The following C15orf40 variants were observed in gnomAD, a reference collection of about 807,000 sequenced individuals.
C15orf40 encodes chromosome 15 open reading frame 40.
Under a neutral mutation model 13.9 loss-of-function variants are expected in C15orf40, and 9 were observed. The observed-to-expected ratio is 0.65, with a 90% confidence interval of 0.39 to 1.13. The LOEUF (loss-of-function observed/expected upper bound fraction) is 1.13, where lower values mean the gene tolerates loss of function less well. Ranked by LOEUF, C15orf40 falls within the 50% of genes most tolerant of loss-of-function variation. The pLI is 0.01. For synonymous variants in C15orf40, 95 were observed against 69.2 expected (o/e 1.37, Z -1.85); for missense variants, 225 against 188.5 (o/e 1.19, Z -1.13).
Position 82,996,894 on chromosome 15 carries a change from T to A in C15orf40, c.*8703A>T, listed in dbSNP as rs1480306201. ...TTAGCCAGGCATGGTGGCTCAGGCC[T>A]GTAATCCCAGCTACTTGGAAGGCTG... On this transcript the variant is annotated 3_prime_UTR_variant, in exon 4 of 4. Coordinates refer to ENST00000304177, the MANE Select transcript of C15orf40 (RefSeq NM_144597.3). 6.6e-6 allele frequency: 1 copy of A among 151,010 alleles called. No individual in the cohort carries two copies. The highest frequency in any genetic ancestry group is 2.4e-5 in the African/African-American group (1 of 41,314). The allele number at this position is 151,010 out of a possible 1,614,324, so 9.4% of individuals were successfully genotyped here.
At position 83,011,570 on chromosome 15, in the gene C15orf40, GC is replaced by G. The variant is rs2032024574; in HGVS notation, c.37del (p.Ala13GlnfsTer40). On this transcript the variant is annotated frameshift_variant, in exon 1 of 4. Coordinates refer to ENST00000304177, the MANE Select transcript of C15orf40 (RefSeq NM_144597.3). LOFTEE classifies it high-confidence loss of function. ...RLRSGLRHLR[A>X]TPNTRGSARL... The stretch of plus-strand genomic sequence containing the variant: ...AGCGGAGCCCCGAGTATTGGGTGTT[GC>G]CCGAAGGTGCCTCAGCCCGCTGCGG... 6.2e-7 allele frequency: 1 copy of G among 1,603,418 alleles called. No homozygotes were observed. The highest frequency in any genetic ancestry group is 1.3e-5 in the African/African-American group (1 of 74,686).
Position 83,011,585 on chromosome 15 carries a change from AG to A in C15orf40, c.22del (p.Leu8Ter). 6.3e-7 allele frequency: 1 copy of A among 1,594,328 alleles called. No homozygotes were observed. Among genetic ancestry groups the A allele is most frequent in the Non-Finnish European group, 8.5e-7 (1 of 1,174,314 alleles). MLRLRSG[L>X]RHLRATPNTR... ...ATTGGGTGTTGCCCGAAGGTGCCTC[AG>A]CCCGCTGCGGAGCCGCAGCATCCCC... On this transcript the variant is annotated frameshift_variant, in exon 1 of 4. Transcript: ENST00000304177. LOFTEE classifies it high-confidence loss of function.
rs1475971549 is a variant in C15orf40, at chr15:83,008,583, G to C, written c.331C>G (p.Leu111Val). ...AELCRYLSKV[L>V]ELRKSDVVLD... ...ACCACATCACTCTTCCTGAGTTCTA[G>C]GACCTTGGAAAGATACCGACAGAGC... is the stretch of plus-strand genomic sequence containing the variant. The change falls in exon 3 of 4, where the codon CTA (leucine) becomes GTA (valine). Residue 111 changes from leucine (L) to valine (V), a missense_variant. Leu to Val is a conservative substitution (Grantham distance 32). Transcript: ENST00000304177. The C allele has an allele frequency of 6.2e-7, 1 of 1,613,774 alleles. No individual in the cohort carries two copies. The highest frequency in any genetic ancestry group is 8.5e-7 in the Non-Finnish European group (1 of 1,179,978).
At chr15:82,989,300 C>T (rs2151270392), downstream of C15orf40, 1 of 968,608 alleles carries the variant, frequency 1.0e-6, no homozygotes, top group South Asian at 1.9e-5. Flanking sequence ...TATGGCATAC[C>T]TAGTACCTAA....
Position 83,001,092 on chromosome 15 carries a change from C to A in C15orf40, c.*4505G>T, listed in dbSNP as rs995966982. ...CCTCCCAAAGTGCTGGGATTACAGG[C>A]ATAAGCCACTGCACTGGCCTAGGTG... On this transcript the variant is annotated 3_prime_UTR_variant, in exon 4 of 4. Coordinates refer to ENST00000304177, the MANE Select transcript of C15orf40 (RefSeq NM_144597.3). The A allele has an allele frequency of 6.1e-6, 6 of 985,438 alleles. No homozygotes were observed. Among genetic ancestry groups the A allele is most frequent in the Non-Finnish European group, 7.2e-6 (6 of 829,876 alleles). 61.0% of individuals were successfully genotyped at this position (985,438 alleles called of 1,614,324 possible). A position where few individuals can be genotyped will look rare whatever the true frequency, so the allele number is the denominator to read the frequency against.
rs976418556 is a variant in C15orf40, at chr15:83,001,420, T to C, written c.*4177A>G. On this transcript the variant is annotated 3_prime_UTR_variant, in exon 4 of 4. Coordinates refer to ENST00000304177, the MANE Select transcript of C15orf40 (RefSeq NM_144597.3). ...ACAGATGCAGTGCTAGAACATCATA[T>C]GTCGGCATAGTTGGATAAATATTTT... 2.2e-6 allele frequency: 1 copy of C among 463,958 alleles called. No individual in the cohort carries two copies. The highest frequency in any genetic ancestry group is 2.8e-6 in the Non-Finnish European group (1 of 353,504). The allele number at this position is 463,958 out of a possible 1,614,324, so 28.7% of individuals were successfully genotyped here. A position where few individuals can be genotyped will look rare whatever the true frequency, so the allele number is the denominator to read the frequency against.
downstream of C15orf40, among the ~76,000 whole-genome samples, chr15:82,991,216 GACTTTATT>G: frequency 6.6e-6 from 1 of 152,174 alleles, no homozygotes; most frequent in South Asian, 2.1e-4. Context: ...GCACCTTCCT[GACTTTATT>G]AGAGTGACAA....
At chr15:83,007,220 A>T (rs767561875) in intron 3 of C15orf40, among the ~76,000 whole-genome samples, 4 of 152,198 alleles carry the variant, frequency 2.6e-5, no homozygotes, top group Non-Finnish European at 4.4e-5. Context: ...CTTCCCAATG[A>T]GCTTCTCCTA....
chr15:83,001,254 G>A lies in C15orf40; in HGVS notation c.*4343C>T. The A allele has an allele frequency of 1.0e-6, 1 of 985,476 alleles. No individual in the cohort carries two copies. Among genetic ancestry groups the A allele is most frequent in the South Asian group, 4.7e-5 (1 of 21,288 alleles). The allele number at this position is 985,476 out of a possible 1,614,324, so 61.0% of individuals were successfully genotyped here. The stretch of plus-strand genomic sequence containing the variant: ...CCTCCAGGGCATAATGAGCCAGGCT[G>A]TTCTTTCCCAGGATCTGTCGAAGTA... On this transcript the variant is annotated 3_prime_UTR_variant, in exon 4 of 4. Transcript: ENST00000304177.
At position 83,004,590 on chromosome 15, in the gene C15orf40, A is replaced by C; in HGVS notation, c.*1007T>G. ...CTTTGGAGATTCATAAAAACTACTG[A>C]ATTTGCTGATTATTTAAGTTATTAG... is the stretch of plus-strand genomic sequence containing the variant. On this transcript the variant is annotated 3_prime_UTR_variant, in exon 4 of 4. Transcript: ENST00000304177. The C allele has an allele frequency of 1.1e-6, 1 of 895,752 alleles. No homozygotes were observed. The highest frequency in any genetic ancestry group is 1.3e-6 in the Non-Finnish European group (1 of 747,756). The allele number at this position is 895,752 out of a possible 1,614,324, so 55.5% of individuals were successfully genotyped here. A position where few individuals can be genotyped will look rare whatever the true frequency, so the allele number is the denominator to read the frequency against.
rs2031952716 is a variant in C15orf40, at chr15:83,010,609, C to T, written c.112-246G>A. 6.8e-6 allele frequency: 3 copies of T among 440,076 alleles called. No homozygotes were observed. The East Asian group carries it at 1.2e-4, about 18-fold the overall frequency. The allele number at this position is 440,076 out of a possible 1,614,324, so 27.3% of individuals were successfully genotyped here. On this transcript the variant is annotated intron_variant, in intron 1 of 3. Transcript: ENST00000304177. ...TTGCAAGAAAACCTAACTCTGGCTT[C>T]TAAACCTTAATGCTTGCTCCTCCCT... is the stretch of plus-strand genomic sequence containing the variant.
At position 83,008,623 on chromosome 15, in the gene C15orf40, T is replaced by C. The variant is rs767407114; in HGVS notation, c.291A>G (p.Gly97=). 6.2e-7 allele frequency: 1 copy of C among 1,613,596 alleles called. No individual in the cohort carries two copies. Among genetic ancestry groups the C allele is most frequent in the South Asian group, 1.1e-5 (1 of 90,942 alleles). ...NVAIAAPPSE[G]EANAELCRYL... ...ACCGACAGAGCTCAGCATTAGCCTCTCCCTCTGATGGAGGTGCTGCAATAG... is the reference window on the plus strand; with the variant it reads ...ACCGACAGAGCTCAGCATTAGCCTCCCCCTCTGATGGAGGTGCTGCAATAG... The change falls in exon 3 of 4, where the codon GGA becomes GGG. Residue 97 remains glycine, a synonymous_variant. Transcript: ENST00000304177.
chr15:83,005,754 G>A, intron 3 of C15orf40, 62 bp from the exon 4 acceptor site: 1 of 1,542,600 alleles, frequency 6.5e-7, no homozygotes, highest in Non-Finnish European at 8.7e-7. Flanking sequence ...ATTAGAGATA[G>A]CAGACCTCCG....
rs2031400073 is a variant in C15orf40, at chr15:83,001,130, G to T, written c.*4467C>A. 6 of 985,354 alleles carry T rather than the reference G, an allele frequency of 6.1e-6. No individual in the cohort carries two copies. The highest frequency in any genetic ancestry group is 1.7e-5 in the African/African-American group (1 of 57,254). The allele number at this position is 985,354 out of a possible 1,614,324, so 61.0% of individuals were successfully genotyped here. On this transcript the variant is annotated 3_prime_UTR_variant, in exon 4 of 4. Coordinates refer to ENST00000304177, the MANE Select transcript of C15orf40 (RefSeq NM_144597.3). ...ACTGGCCTAGGTGTGCACTGCAAAGGTTCCACCTTCATCCTCTGGTTATTG... is the reference window on the plus strand; with the variant it reads ...ACTGGCCTAGGTGTGCACTGCAAAGTTTCCACCTTCATCCTCTGGTTATTG...
At chr15:82,990,861 T>C, downstream of C15orf40, 1 of 498,686 alleles carries the variant, frequency 2.0e-6, no homozygotes. Context: ...TCTTACTTTT[T>C]TGGTATTTAA....
chr15:82,989,059 T>A, downstream of C15orf40: 1 of 1,613,686 alleles, frequency 6.2e-7, no homozygotes, highest in African/African-American at 1.3e-5. Flanking sequence ...TTTGAAGAGA[T>A]GTTTGCTAGT....
downstream of C15orf40, among the ~76,000 whole-genome samples, chr15:82,991,776 T>A (rs958345855): frequency 7.9e-5 from 12 of 152,176 alleles, no homozygotes; most frequent in Admixed American, 2.0e-4. Flanking sequence ...TAGTAAGGGT[T>A]TTCCCTGTAA....
In C15orf40 at chr15:83,000,708, T is replaced by C. The variant is rs1394779191; in HGVS notation, c.*4889A>G. ...GCCATGTGGGTTCTAAAATTTATAC[T>C]CTGCATTACAGCTAAAGAACTATGT... On this transcript the variant is annotated 3_prime_UTR_variant, in exon 4 of 4. Coordinates refer to ENST00000304177, the MANE Select transcript of C15orf40 (RefSeq NM_144597.3). The C allele has an allele frequency of 6.6e-6, 1 of 152,234 alleles. No homozygotes were observed. Among genetic ancestry groups the C allele is most frequent in the Non-Finnish European group, 1.5e-5 (1 of 68,032 alleles). 9.4% of individuals were successfully genotyped at this position (152,234 alleles called of 1,614,324 possible). A position where few individuals can be genotyped will look rare whatever the true frequency, so the allele number is the denominator to read the frequency against.
downstream of C15orf40, chr15:82,992,089 G>A (rs1249370881): frequency 6.1e-5 from 25 of 410,060 alleles, no homozygotes; most frequent in Admixed American, 1.7e-4. Context: ...GGTGGTGCAC[G>A]CCTGTAGTCC....
Sources: allele counts gnomAD v4.1 joint callset (sites outside exome capture counted in the v4.1 genomes callset), GRCh38; gene constraint gnomAD v4.1.1; transcripts MANE v1.5; gene names NCBI Gene and HGNC (gene_info 2026-07-23, HGNC 2026-07-21).